The following KCNH1 variants were observed in gnomAD, a reference collection of about 807,000 sequenced individuals.
The protein encoded by KCNH1 is potassium voltage-gated channel subfamily H member 1, also known as voltage-gated delayed rectifier potassium channel KCNH1.
Under a neutral mutation model 69.2 loss-of-function variants are expected in KCNH1, and 27 were observed. That is an observed-to-expected ratio of 0.39 (90% CI 0.29 to 0.54). The LOEUF (loss-of-function observed/expected upper bound fraction) is 0.54. Among genes scored for constraint, KCNH1 ranks in the 20% least tolerant of loss-of-function variants. The pLI is 0.68. For synonymous variants in KCNH1, 456 were observed against 487.7 expected, an observed-to-expected ratio of 0.93 and a Z score of 0.86; for missense variants, 798 against 1,261.6, an observed-to-expected ratio of 0.63 and a Z score of 5.57.
chr1:210,885,215 C>T (rs926705854), intron 7 of KCNH1, among the ~76,000 whole-genome samples: 1 of 152,212 alleles, frequency 6.6e-6, no homozygotes, highest in Admixed American at 6.5e-5. Flanking sequence ...GTACCCGGCT[C>T]ATCTCACTGT....
In KCNH1 at chr1:210,861,273, C is replaced by T. The variant is rs1177510722; in HGVS notation, c.1463-57107G>A. On this transcript the variant is annotated intron_variant, in intron 7 of 10. Transcript: ENST00000271751. ...GGCTTCAGATTCTTCCAGGTGAGAG[C>T]ATGAGAAACTCCTTGATTAATAGAA... 4 of 927,064 alleles carry T rather than the reference C, an allele frequency of 4.3e-6. No individual in the cohort carries two copies. In the African/African-American group the frequency reaches 4.8e-5, roughly 11 times the overall value. 57.4% of individuals were successfully genotyped at this position (927,064 alleles called of 1,614,324 possible). A position where few individuals can be genotyped will look rare whatever the true frequency, so the allele number is the denominator to read the frequency against.
chr1:210,940,206 T>A (rs183599218), intron 6 of KCNH1, among the ~76,000 whole-genome samples: 1 of 152,338 alleles, frequency 6.6e-6, no homozygotes, highest in Non-Finnish European at 1.5e-5. Context: ...GGCAATCATT[T>A]CCTGAAAACC....
rs544042178 is a variant in KCNH1, at chr1:211,002,956, A to G, written c.1032+15827T>C. Among the ~76,000 whole-genome samples, 5 of 152,266 alleles carry G rather than the reference A, an allele frequency of 3.3e-5. No individual in the cohort carries two copies. In the East Asian group the frequency reaches 7.7e-4, roughly 24 times the overall value. ...CCAAAACTGATCCCGGCAAAAAATG[A>G]GCCCTCCCACTACACCAGGGGTCAG... On this transcript the variant is annotated intron_variant, in intron 6 of 10. Coordinates refer to ENST00000271751, the MANE Select transcript of KCNH1 (RefSeq NM_172362.3).
chr1:210,725,698 C>G (rs1682573411), intron 10 of KCNH1, among the ~76,000 whole-genome samples: 1 of 152,200 alleles, frequency 6.6e-6, no homozygotes, highest in South Asian at 2.1e-4. Flanking sequence ...TCAAATGGCT[C>G]TCAAGGCTCT....
At chr1:210,881,041 A>T (rs1172525613) in intron 7 of KCNH1, among the ~76,000 whole-genome samples, 1 of 150,976 alleles carries the variant, frequency 6.6e-6, no homozygotes, top group African/African-American at 2.4e-5. Context: ...TTCTGGAAAC[A>T]GAGTCTCACT....
intron 7 of KCNH1, among the ~76,000 whole-genome samples, chr1:210,854,741 GTCTTGACCATAT>G (rs1176471215): frequency 1.3e-5 from 2 of 152,164 alleles, no homozygotes; most frequent in Non-Finnish European, 2.9e-5. Flanking sequence ...TTAGGATATG[GTCTTGACCATAT>G]TCTCCTCCTA....
chr1:211,104,009 AAAG>A (rs1381539349), intron 2 of KCNH1, among the ~76,000 whole-genome samples: 22 of 152,218 alleles, frequency 1.4e-4, no homozygotes, highest in Non-Finnish European at 2.5e-4. Context: ...TGGCTGAGAG[AAAG>A]AAGGAGAAAA....
In KCNH1 at chr1:210,797,625, C is replaced by A. The variant is rs1684343192; in HGVS notation, c.1798G>T (p.Val600Leu). ...ATGAGGTCCCCTGGGGCACAGTGCA[C>A]CGTCTGGAACTCCATGGCCAGTGCC... Reference protein sequence around the residue: ...LRALAMEFQTVHCAPGDLIYH... With the variant: ...LRALAMEFQTLHCAPGDLIYH... Residue 600 changes from valine to leucine, a missense_variant, in exon 9 of 11, where the codon GTG (valine) becomes TTG (leucine). Physicochemically the swap from Val to Leu is conservative, Grantham distance 32. Around this residue, in one of 4 missense-constraint regions of KCNH1, gnomAD observed 197 missense variants for 407.7 expected, o/e 0.48. Coordinates refer to ENST00000271751, the MANE Select transcript of KCNH1 (RefSeq NM_172362.3). The A allele has an allele frequency of 6.2e-7, 1 of 1,614,264 alleles. No homozygotes were observed. The highest frequency in any genetic ancestry group is 2.2e-5 in the East Asian group (1 of 44,886).
chr1:210,986,060 T>G (rs925298699), intron 6 of KCNH1, among the ~76,000 whole-genome samples: 1 of 152,200 alleles, frequency 6.6e-6, no homozygotes, highest in African/African-American at 2.4e-5. Flanking sequence ...TCTCTTTTGA[T>G]GTTTGTTGGT....
chr1:210,933,614 A>G (rs1309164149), intron 6 of KCNH1, among the ~76,000 whole-genome samples: 1 of 152,160 alleles, frequency 6.6e-6, no homozygotes, highest in Non-Finnish European at 1.5e-5. Context: ...TTTTCAAAAG[A>G]TAAACAAAAT....
intron 6 of KCNH1, among the ~76,000 whole-genome samples, chr1:210,970,464 G>A (rs187537123): frequency 3.3e-5 from 5 of 151,978 alleles, no homozygotes; most frequent in Non-Finnish European, 5.9e-5. Flanking sequence ...CCATGTCCCC[G>A]CAAAGGACAT....
At chr1:211,100,334 T>G (rs897314014) in intron 3 of KCNH1, among the ~76,000 whole-genome samples, 2 of 152,066 alleles carry the variant, frequency 1.3e-5, no homozygotes, top group Non-Finnish European at 2.9e-5. Context: ...TCATATTACT[T>G]CTCATGTATT....
At chr1:211,019,546 A>G (rs1689552012) in intron 5 of KCNH1, among the ~76,000 whole-genome samples, 2 of 152,210 alleles carry the variant, frequency 1.3e-5, no homozygotes, top group African/African-American at 4.8e-5. Flanking sequence ...CCTTTGTTCT[A>G]TTAGCCAATT....
intron 8 of KCNH1, among the ~76,000 whole-genome samples, chr1:210,801,740 C>T (rs1223595872): frequency 1.3e-5 from 2 of 152,198 alleles, no homozygotes; most frequent in Non-Finnish European, 2.9e-5. Context: ...CCATCAGCTG[C>T]CAGGAACCCA....
intron 6 of KCNH1, among the ~76,000 whole-genome samples, chr1:210,945,819 C>A (rs922831956): frequency 1.2e-4 from 19 of 152,218 alleles, no homozygotes; most frequent in African/African-American, 4.3e-4. Flanking sequence ...GGAGTTGTTG[C>A]TCAAATGTTA....
At chr1:211,106,108 T>C (rs1691342807) in intron 2 of KCNH1, among the ~76,000 whole-genome samples, 1 of 152,240 alleles carries the variant, frequency 6.6e-6, no homozygotes, top group Non-Finnish European at 1.5e-5. Flanking sequence ...TCAGACAGGC[T>C]TCTCCACTCT....
At chr1:210,780,351 G>A (rs1430241370) in intron 9 of KCNH1, among the ~76,000 whole-genome samples, 2 of 152,058 alleles carry the variant, frequency 1.3e-5, no homozygotes, top group Non-Finnish European at 2.9e-5. Context: ...GTGTTATAAT[G>A]TACTCCACAA....
chr1:211,119,795 C>G (rs1241683681), intron 1 of KCNH1, among the ~76,000 whole-genome samples: 1 of 152,196 alleles, frequency 6.6e-6, no homozygotes, highest in African/African-American at 2.4e-5. Context: ...GTTATTTGCT[C>G]TGTCTGATCT....
chr1:210,782,538 C>T lies in KCNH1; in HGVS notation c.1916-6994G>A, dbSNP rs1219922683. Among the ~76,000 whole-genome samples, 5 of 152,162 alleles carry T rather than the reference C, an allele frequency of 3.3e-5. No homozygotes were observed. The East Asian group carries it at 9.7e-4, about 29-fold the overall frequency. On this transcript the variant is annotated intron_variant, in intron 9 of 10. Coordinates refer to ENST00000271751, the MANE Select transcript of KCNH1 (RefSeq NM_172362.3). ...GTCAGGAGTTTGAGACCAGCCTGGCCAATGTGGTGAAATCCCATCTCTACT... is the reference window on the plus strand; with the variant it reads ...GTCAGGAGTTTGAGACCAGCCTGGCTAATGTGGTGAAATCCCATCTCTACT...
Sources: gnomAD v4.1 joint callset for allele counts (sites outside exome capture counted in the v4.1 genomes callset) on GRCh38, gnomAD v4.1.1 for gene constraint, gnomAD v4.1.1 regional missense constraint, MANE v1.5 for transcripts, NCBI Gene and HGNC (gene_info 2026-07-23, HGNC 2026-07-21) for gene names.